The following NSD1 variants were observed in gnomAD, a reference collection of about 807,000 sequenced individuals.
The protein encoded by NSD1 is histone-lysine N-methyltransferase, H3 lysine-36 specific.
Under a neutral mutation model 242.7 loss-of-function variants are expected in NSD1, and 26 were observed. The ratio of observed to expected loss-of-function variants is 0.11; its 90% confidence interval spans 0.08 to 0.15. The LOEUF is 0.15. Among genes scored for constraint, NSD1 ranks in the 10% least tolerant of loss-of-function variants. The pLI, the probability that NSD1 is intolerant of heterozygous loss-of-function variation, is 1.00. For synonymous variants in NSD1, 1,106 were observed against 1,178.1 expected (o/e 0.94, Z 1.25); for missense variants, 2,495 against 3,272.8 (o/e 0.76, Z 5.80).
At chr5:177,154,417 T>C (rs1486039811) in intron 2 of NSD1, among the ~76,000 whole-genome samples, 2 of 152,178 alleles carry the variant, frequency 1.3e-5, no homozygotes, top group African/African-American at 2.4e-5. Flanking sequence ...TTATATTAAA[T>C]AGACATTCGT....
intron 2 of NSD1, among the ~76,000 whole-genome samples, chr5:177,145,611 T>G (rs966528216): frequency 6.6e-6 from 1 of 152,124 alleles, no homozygotes; most frequent in African/African-American, 2.4e-5. Flanking sequence ...CACATGCAGT[T>G]GTAACAAATT....
At chr5:177,266,179 T>G in intron 14 of NSD1, 1 of 1,057,246 alleles carries the variant, frequency 9.5e-7, no homozygotes, top group Middle Eastern at 2.1e-4. Context: ...GAGCATGGAC[T>G]CGTAGAAGAG....
Position 177,295,835 on chromosome 5 carries a change from AG to A in NSD1, c.*377del. Reference sequence around the variant, plus strand: ...CAAAGCGATTTCCCCAACCAGACAGAGCCCCATTGAGGGCACCTAGGAACCC... The same window carrying A: ...CAAAGCGATTTCCCCAACCAGACAGACCCCATTGAGGGCACCTAGGAACCC... On this transcript the variant is annotated 3_prime_UTR_variant, in exon 23 of 23. Coordinates refer to ENST00000439151, the MANE Select transcript of NSD1 (RefSeq NM_022455.5). The surrounding 1 kb of genome is among the most constrained non-coding windows in gnomAD (Gnocchi z 4.3). The A allele has an allele frequency of 2.6e-5, 11 of 427,048 alleles. No individual in the cohort carries two copies. In the South Asian group the frequency reaches 2.7e-4, roughly 11 times the overall value. 26.5% of individuals were successfully genotyped at this position (427,048 alleles called of 1,614,324 possible). A position where few individuals can be genotyped will look rare whatever the true frequency, so the allele number is the denominator to read the frequency against.
At position 177,282,470 on chromosome 5, in the gene NSD1, A is replaced by T; in HGVS notation, c.5898A>T (p.Glu1966Asp). Reference sequence around the variant, plus strand: ...GGAGGTATTTCTTGTTCTAGGGTGAATTTGTGAATGAGTATGTGGGTGAGC... The same window carrying T: ...GGAGGTATTTCTTGTTCTAGGGTGATTTTGTGAATGAGTATGTGGGTGAGC... The part of the protein sequence containing the change: ...LRTKTDIKKG[E>D]FVNEYVGELI... The change falls in exon 19 of 23, where the codon GAA (glutamate) becomes GAT (aspartate). Residue 1966 changes from glutamate (E) to aspartate (D), a missense_variant. This residue lies in a region of NSD1 where 114 missense variants were observed against 247.4 expected (regional missense o/e 0.46). Transcript: ENST00000439151. The T allele has an allele frequency of 2.5e-6, 4 of 1,610,402 alleles. No individual in the cohort carries two copies. Among genetic ancestry groups the T allele is most frequent in the Non-Finnish European group, 3.4e-6 (4 of 1,177,272 alleles).
intron 12 of NSD1, among the ~76,000 whole-genome samples, chr5:177,252,106 A>T (rs977998769): frequency 6.6e-6 from 1 of 152,218 alleles, no homozygotes; most frequent in Non-Finnish European, 1.5e-5. Context: ...AGCTGATGCC[A>T]TAGAGGAAGA....
intron 5 of NSD1, among the ~76,000 whole-genome samples, chr5:177,213,396 C>T (rs1039786222): frequency 8.5e-5 from 13 of 152,258 alleles, no homozygotes; most frequent in South Asian, 6.2e-4. Flanking sequence ...ACAATCAGTG[C>T]GATCAATTGT....
At chr5:177,151,205 CT>C (rs1757668631) in intron 2 of NSD1, among the ~76,000 whole-genome samples, 1 of 152,026 alleles carries the variant, frequency 6.6e-6, no homozygotes, top group Non-Finnish European at 1.5e-5. Context: ...GGCCAAACCC[CT>C]ATCTACTAAA....
chr5:177,290,650 C>G (rs1443663791), intron 21 of NSD1, among the ~76,000 whole-genome samples: 1 of 151,944 alleles, frequency 6.6e-6, no homozygotes. Flanking sequence ...CTCAGGTGAT[C>G]CACCTGCCTC....
intron 2 of NSD1, among the ~76,000 whole-genome samples, chr5:177,170,356 A>G (rs961637256): frequency 8.3e-5 from 11 of 133,164 alleles, no homozygotes; most frequent in South Asian, 2.4e-4. Flanking sequence ...ATTTTATTTA[A>G]TTTTTTTTTT....
At chr5:177,226,492 A>T (rs542963443) in intron 5 of NSD1, among the ~76,000 whole-genome samples, 1 of 152,210 alleles carries the variant, frequency 6.6e-6, no homozygotes, top group South Asian at 2.1e-4. Flanking sequence ...AGGTTTATTT[A>T]TTTATTTTTG....
rs200500722 is a variant in NSD1, at chr5:177,238,491, G to C, written c.4176G>C (p.Leu1392Phe). Residue 1392 changes from leucine to phenylalanine, a missense_variant, in exon 7 of 23, where the codon TTG becomes TTC. Coordinates refer to ENST00000439151, the MANE Select transcript of NSD1 (RefSeq NM_022455.5). This position sits in a 1 kb window ranked among gnomAD's most constrained non-coding sequence, Gnocchi z 4.6. Reference protein sequence around the residue: ...SPRPALESEELLVKTPGNYES... With the variant: ...SPRPALESEEFLVKTPGNYES... ...GGCCTGCCCTTGAGTCTGAGGAATT[G>C]CTAGTTAAAACGCCAGGTAAGGTGG... 3 of 1,613,726 alleles carry C rather than the reference G, an allele frequency of 1.9e-6. No individual in the cohort carries two copies. Among genetic ancestry groups the C allele is most frequent in the East Asian group, 4.5e-5 (2 of 44,882 alleles).
intron 14 of NSD1, chr5:177,264,735 C>T (rs1025186367): frequency 4.6e-5 from 32 of 701,294 alleles, no homozygotes; most frequent in Non-Finnish European, 6.8e-5. Flanking sequence ...CCCTTTTGGC[C>T]GAAACTGCCA....
intron 2 of NSD1, among the ~76,000 whole-genome samples, chr5:177,162,943 A>C (rs1024906215): frequency 6.6e-6 from 1 of 151,604 alleles, no homozygotes; most frequent in African/African-American, 2.4e-5. Flanking sequence ...GGGATTACAG[A>C]CATGAGCCAC....
chr5:177,221,230 C>T (rs1764210256), intron 5 of NSD1, among the ~76,000 whole-genome samples: 1 of 151,514 alleles, frequency 6.6e-6, no homozygotes, highest in South Asian at 2.1e-4. Context: ...TACCATTTTG[C>T]TAATTGTTTC....
intron 5 of NSD1, among the ~76,000 whole-genome samples, chr5:177,226,527 C>T (rs1225165978): frequency 6.6e-6 from 1 of 152,024 alleles, no homozygotes; most frequent in East Asian, 1.9e-4. Context: ...CTGTTTTGCC[C>T]AAGCCTGGTC....
chr5:177,242,514 A>ATTATTTATTTATTTATTTATTTATTTAT (rs10605953), intron 8 of NSD1, among the ~76,000 whole-genome samples: 3 of 145,492 alleles, frequency 2.1e-5, no homozygotes, highest in African/African-American at 2.5e-5. Context: ...AATGGCCTTT[A>ATTATTTATTTATTTATTTATTTATTTAT]TTATTTATTT....
In NSD1 at chr5:177,297,779, G is replaced by T. The variant is rs1760344561; in HGVS notation, c.*2320G>T. 1 of 233,034 alleles carries T rather than the reference G, an allele frequency of 4.3e-6. No individual in the cohort carries two copies. 14.4% of individuals were successfully genotyped at this position (233,034 alleles called of 1,614,324 possible). ...TAATCAACTTGACAGCAGTCTAGAT[G>T]TCTCACAGGACAGGAGGGAGTGAGG... is the stretch of plus-strand genomic sequence containing the variant. On this transcript the variant is annotated 3_prime_UTR_variant, in exon 23 of 23. Coordinates refer to ENST00000439151, the MANE Select transcript of NSD1 (RefSeq NM_022455.5).
chr5:177,186,092 TA>T (rs1761202313), intron 2 of NSD1, among the ~76,000 whole-genome samples: 3 of 116,690 alleles, frequency 2.6e-5, no homozygotes. Context: ...ATATTATATA[TA>T]ACATATATTA....
chr5:177,152,882 C>T (rs1324916393), intron 2 of NSD1, among the ~76,000 whole-genome samples: 2 of 151,104 alleles, frequency 1.3e-5, no homozygotes, highest in East Asian at 1.9e-4. Context: ...GACAGGGTTT[C>T]ACCATGTTGG....
Sources: gnomAD v4.1 joint callset for allele counts (sites outside exome capture counted in the v4.1 genomes callset) on GRCh38, gnomAD v4.1.1 for gene constraint, gnomAD v4.1.1 regional missense constraint, Gnocchi (gnomAD v3.1) non-coding constraint, MANE v1.5 for transcripts, NCBI Gene and HGNC (gene_info 2026-07-23, HGNC 2026-07-21) for gene names.